CREB5: variants seen among roughly 807,000 people sequenced by gnomAD.
CREB5 encodes the protein cAMP responsive element binding protein 5.
A neutral mutation model predicts 57.1 loss-of-function variants in CREB5; 19 were observed. The observed-to-expected ratio is 0.33, with a 90% CI of 0.23 to 0.49. The LOEUF is 0.49. Ranked by LOEUF, CREB5 falls within the 20% of genes least tolerant of loss-of-function variation. The pLI, the probability that CREB5 is intolerant of heterozygous loss-of-function variation, is 0.99. For synonymous variants in CREB5, 238 were observed against 238.3 expected (o/e 1.00, Z 0.01); for missense variants, 579 against 671.6 (o/e 0.86, Z 1.52).
chr7:28,368,390 AAATT>A (rs2127993448), intron 1 of CREB5, among the ~76,000 whole-genome samples: 2 of 152,328 alleles, frequency 1.3e-5, no homozygotes, highest in African/African-American at 4.8e-5. Flanking sequence ...AAACAAAAAT[AAATT>A]AATTAATATA....
chr7:28,317,342 G>A (rs534146326), intron 1 of CREB5, among the ~76,000 whole-genome samples: 1 of 152,308 alleles, frequency 6.6e-6, no homozygotes, highest in African/African-American at 2.4e-5. Flanking sequence ...TGTTTACCAC[G>A]TGACAAAGAG....
In CREB5 at chr7:28,658,949, G is replaced by GTGTGTATATATATATATATATA. The variant is rs1554281504; in HGVS notation, c.465-59802_465-59781dup. Among the ~76,000 whole-genome samples, 153 of 46,778 alleles carry GTGTGTATATATATATATATATA rather than the reference G, an allele frequency of 3.3e-3. 3 individuals are homozygous for GTGTGTATATATATATATATATA. Among genetic ancestry groups the GTGTGTATATATATATATATATA allele is most frequent in the African/African-American group, 9.8e-3 (145 of 14,870 alleles). The allele number at this position is 46,778 out of a possible 152,430, so 30.7% of individuals were successfully genotyped here. On this transcript the variant is annotated intron_variant, in intron 5 of 10. Transcript: ENST00000357727. ...ATTGCACTAAATATTATATGTGTGTGTGTGTATATATATATATATATATAT... is the reference window on the plus strand; with the variant it reads ...ATTGCACTAAATATTATATGTGTGTGTGTGTATATATATATATATATATGTGTATATATATATATATATATAT...
intron 1 of CREB5, among the ~76,000 whole-genome samples, chr7:28,399,242 G>GAC (rs1787397567): frequency 6.7e-6 from 1 of 149,996 alleles, no homozygotes; most frequent in Admixed American, 6.6e-5. Flanking sequence ...TATGGCAAAA[G>GAC]ACAGCATAGA....
chr7:28,354,024 G>A (rs993157343), intron 1 of CREB5, among the ~76,000 whole-genome samples: 1 of 152,122 alleles, frequency 6.6e-6, no homozygotes, highest in East Asian at 1.9e-4. Flanking sequence ...TAAGCAGGAA[G>A]TCATTTGGAA....
intron 1 of CREB5, among the ~76,000 whole-genome samples, chr7:28,456,950 T>A (rs1260512502): frequency 6.6e-6 from 1 of 152,212 alleles, no homozygotes; most frequent in Non-Finnish European, 1.5e-5. Flanking sequence ...TTTAGTTGGT[T>A]CATGGTTCTG....
At chr7:28,504,285 C>A (rs929541669) in intron 3 of CREB5, among the ~76,000 whole-genome samples, 1 of 152,296 alleles carries the variant, frequency 6.6e-6, no homozygotes, top group South Asian at 2.1e-4. Context: ...GTGCAATCTC[C>A]ATGGCCATAA....
chr7:28,371,214 T>A (rs1225727951), intron 1 of CREB5, among the ~76,000 whole-genome samples: 4 of 152,082 alleles, frequency 2.6e-5, no homozygotes, highest in African/African-American at 9.7e-5. Flanking sequence ...CTCACGCCTG[T>A]AATCCCAGCA....
chr7:28,528,656 A>G (rs1404726145), intron 4 of CREB5, among the ~76,000 whole-genome samples: 2 of 145,552 alleles, frequency 1.4e-5, no homozygotes, highest in African/African-American at 5.0e-5. Flanking sequence ...GTGAGCCGAG[A>G]TCGCGCCATT....
At chr7:28,746,893 C>T (rs1180048625) in intron 7 of CREB5, among the ~76,000 whole-genome samples, 2 of 152,138 alleles carry the variant, frequency 1.3e-5, no homozygotes, top group African/African-American at 2.4e-5. Context: ...GGTTCCCAGA[C>T]GTTTCTTAGG....
chr7:28,534,562 C>T (rs1793875363), intron 4 of CREB5, among the ~76,000 whole-genome samples: 1 of 152,240 alleles, frequency 6.6e-6, no homozygotes, highest in Non-Finnish European at 1.5e-5. Flanking sequence ...TGTAACAGGG[C>T]ACTTCTTCTG....
At chr7:28,756,138 C>A (rs1429005828) in intron 7 of CREB5, among the ~76,000 whole-genome samples, 3 of 152,166 alleles carry the variant, frequency 2.0e-5, no homozygotes, top group East Asian at 3.9e-4. Flanking sequence ...TGCTGGAACT[C>A]ATTCACAGGC....
chr7:28,645,013 G>A (rs1443460328), intron 5 of CREB5, among the ~76,000 whole-genome samples: 29 of 152,068 alleles, frequency 1.9e-4, no homozygotes, highest in Admixed American at 6.6e-5. Flanking sequence ...CTTTTCAGAC[G>A]GAAGATCCCC....
At chr7:28,300,536 A>G (rs58812687) in intron 1 of CREB5, among the ~76,000 whole-genome samples, 1 of 152,178 alleles carries the variant, frequency 6.6e-6, no homozygotes, top group African/African-American at 2.4e-5. Context: ...TGCATTCAAA[A>G]CAGCCCATGC....
At chr7:28,685,072 A>T (rs920804447) in intron 5 of CREB5, among the ~76,000 whole-genome samples, 3 of 152,230 alleles carry the variant, frequency 2.0e-5, no homozygotes, top group East Asian at 1.9e-4. Context: ...TCTGTAATTA[A>T]AAAAGAGACA....
At chr7:28,594,384 C>T (rs1410529422) in intron 5 of CREB5, among the ~76,000 whole-genome samples, 1 of 152,176 alleles carries the variant, frequency 6.6e-6, no homozygotes, top group African/African-American at 2.4e-5. Flanking sequence ...AGTTACCGCC[C>T]TCCACAACTC....
At chr7:28,483,165 A>G (rs774277183) in intron 1 of CREB5, among the ~76,000 whole-genome samples, 4 of 152,238 alleles carry the variant, frequency 2.6e-5, no homozygotes, top group Non-Finnish European at 4.4e-5. Flanking sequence ...ACGTTTCAGT[A>G]TCATTTGCTT....
At chr7:28,521,822 A>G (rs1359377146) in intron 4 of CREB5, among the ~76,000 whole-genome samples, 1 of 152,230 alleles carries the variant, frequency 6.6e-6, no homozygotes, top group Non-Finnish European at 1.5e-5. Flanking sequence ...AGGAAAGGAT[A>G]TTAATTTATC....
chr7:28,695,818 T>C (rs1801528975), intron 5 of CREB5, among the ~76,000 whole-genome samples: 1 of 152,100 alleles, frequency 6.6e-6, no homozygotes, highest in Admixed American at 6.6e-5. Context: ...TTCCTCCCTC[T>C]TCCTCCCCAC....
chr7:28,629,163 G>A (rs41298), intron 5 of CREB5, among the ~76,000 whole-genome samples: 40,213 of 152,044 alleles, frequency 0.26, 5,450 homozygotes, highest in East Asian at 0.38. Context: ...CAATACGTGC[G>A]AAATCCTCAG....
Sources: allele counts gnomAD v4.1 joint callset (sites outside exome capture counted in the v4.1 genomes callset), GRCh38; gene constraint gnomAD v4.1.1; transcripts MANE v1.5; gene names NCBI Gene and HGNC (gene_info 2026-07-23, HGNC 2026-07-21).